LEPR: variants seen among roughly 807,000 people sequenced by gnomAD.
LEPR encodes the protein OB receptor.
LEPR carries 56 observed loss-of-function variants against 114.7 expected under a neutral mutation model. That is an observed-to-expected ratio of 0.49 (90% CI 0.39 to 0.61). LEPR has a LOEUF of 0.61. Among genes scored for constraint, LEPR ranks in the 20% least tolerant of loss-of-function variants. The pLI is 0.00. For synonymous variants in LEPR, 443 were observed against 461.4 expected (o/e 0.96, Z 0.51); for missense variants, 1,202 against 1,352.9 (o/e 0.89, Z 1.75).
chr1:65,542,231 C>A (rs1161944329), intron 2 of LEPR, among the ~76,000 whole-genome samples: 5 of 151,964 alleles, frequency 3.3e-5, no homozygotes, highest in African/African-American at 7.2e-5. Context: ...ATACAGATTT[C>A]TTCAAATATT....
chr1:65,552,670 A>G lies in LEPR; in HGVS notation c.-20-12876A>G, dbSNP rs117264313. ...CTGATGGGTCGTGACTGTTTTTCCAATTTGGCAGTCTGTGTCTTTTAATTG... is the reference window on the plus strand; with the variant it reads ...CTGATGGGTCGTGACTGTTTTTCCAGTTTGGCAGTCTGTGTCTTTTAATTG... On this transcript the variant is annotated intron_variant, in intron 2 of 19. Coordinates refer to ENST00000349533, the MANE Select transcript of LEPR (RefSeq NM_002303.6). Among the ~76,000 whole-genome samples, 314 of 152,202 alleles carry G rather than the reference A, an allele frequency of 2.1e-3. 2 individuals carry two copies. The East Asian group carries it at 0.034, about 17-fold the overall frequency.
chr1:65,432,597 A>AT, intron 2 of LEPR: 7 of 983,426 alleles, frequency 7.1e-6, no homozygotes, highest in Non-Finnish European at 8.5e-6. Flanking sequence ...ACCTGCTTTC[A>AT]TGCTGAGGAC....
intron 5 of LEPR, among the ~76,000 whole-genome samples, chr1:65,592,053 T>C (rs183603080): frequency 6.6e-6 from 1 of 152,128 alleles, no homozygotes; most frequent in East Asian, 1.9e-4. Flanking sequence ...CTAAGTGATA[T>C]CATACCACTT....
At chr1:65,588,306 T>G (rs181355419) in intron 5 of LEPR, among the ~76,000 whole-genome samples, 1 of 152,082 alleles carries the variant, frequency 6.6e-6, no homozygotes, top group Non-Finnish European at 1.5e-5. Context: ...AATTATAATT[T>G]TTTTTTTAAG....
At chr1:65,539,124 AT>A (rs11350038) in intron 2 of LEPR, among the ~76,000 whole-genome samples, 105,980 of 144,390 alleles carry the variant, frequency 0.73, 39,783 homozygotes, top group Middle Eastern at 0.9. Flanking sequence ...AACCATTGAA[AT>A]TTTTTTTTTG....
Position 65,616,035 on chromosome 1 carries a change from A to G in LEPR, c.2023A>G (p.Ser675Gly). ...KPLMKNDSLCSVQRYVINHHT... is the reference protein window; with the variant it reads ...KPLMKNDSLCGVQRYVINHHT... ...CCTGATGAAAAATGACTCATTGTGC[A>G]GTGTTCAGAGATATGTGATAAACCA... is the stretch of plus-strand genomic sequence containing the variant. The change falls in exon 15 of 20, where the codon AGT becomes GGT. Residue 675 changes from serine to glycine, a missense_variant. Physicochemically the swap from Ser to Gly is moderately conservative, Grantham distance 56. Transcript: ENST00000349533. 1.2e-6 allele frequency: 2 copies of G among 1,614,174 alleles called. No homozygotes were observed. The highest frequency in any genetic ancestry group is 1.1e-5 in the South Asian group (1 of 91,086).
rs200520131 is a variant in LEPR, at chr1:65,455,656, C to T, written c.-21+30278C>T. ...CTGTCCGTTCTCAGATCTCCAGCTG[C>T]GTGCTGGGAGAACCACTGCTCTCTT... On this transcript the variant is annotated intron_variant, in intron 2 of 19. Coordinates refer to ENST00000349533, the MANE Select transcript of LEPR (RefSeq NM_002303.6). Among the ~76,000 whole-genome samples, 1,371 of 152,132 alleles carry T rather than the reference C, an allele frequency of 9.0e-3. 41 individuals carry two copies. In the East Asian group the frequency reaches 0.097, roughly 11 times the overall value.
At position 65,570,466 on chromosome 1, in the gene LEPR, C is replaced by T. The variant is rs186866115; in HGVS notation, c.41-7C>T. The T allele has an allele frequency of 6.2e-7, 1 of 1,611,886 alleles. No individual in the cohort carries two copies. Among genetic ancestry groups the T allele is most frequent in the African/African-American group, 1.3e-5 (1 of 74,954 alleles). On this transcript the variant is annotated splice_polypyrimidine_tract_variant and splice_region_variant and intron_variant, in intron 3 of 19. Coordinates refer to ENST00000349533, the MANE Select transcript of LEPR (RefSeq NM_002303.6). ...TTTTTCTATGTGTCTTTTTAATATC[C>T]TAACAGAATTTATTTATGTGATAAC...
At chr1:65,611,936 T>C (rs1003705771) in intron 14 of LEPR, among the ~76,000 whole-genome samples, 2 of 152,210 alleles carry the variant, frequency 1.3e-5, no homozygotes, top group Non-Finnish European at 2.9e-5. Context: ...ATGGGTTCTT[T>C]AGGGGTGATT....
intron 5 of LEPR, among the ~76,000 whole-genome samples, chr1:65,586,781 T>C (rs1655345621): frequency 6.6e-6 from 1 of 152,054 alleles, no homozygotes; most frequent in African/African-American, 2.4e-5. Flanking sequence ...CATGATGGGG[T>C]TAGCTGTTGG....
chr1:65,506,453 T>C (rs1275301882), intron 2 of LEPR, among the ~76,000 whole-genome samples: 1 of 152,106 alleles, frequency 6.6e-6, no homozygotes, highest in Non-Finnish European at 1.5e-5. Flanking sequence ...AGGAAAAGAG[T>C]GCATCTGAAA....
At position 65,608,772 on chromosome 1, in the gene LEPR, C is replaced by A. The variant is rs1347121560; in HGVS notation, c.1623C>A (p.Ser541=). ...PDSVVKPLPP[S]SVKAEITINI... ...TTCTAGTGAAGCCACTGCCTCCATC[C>A]AGTGTGAAAGCAGAAATTACTATAA... is the stretch of plus-strand genomic sequence containing the variant. Residue 541 remains serine (S), a synonymous_variant, in exon 12 of 20, where the codon TCC becomes TCA. Transcript: ENST00000349533. 5.0e-6 allele frequency: 8 copies of A among 1,613,378 alleles called. No individual in the cohort carries two copies. Among genetic ancestry groups the A allele is most frequent in the Non-Finnish European group, 8.5e-7 (1 of 1,179,748 alleles).
At chr1:65,466,146 T>C (rs544160821) in intron 2 of LEPR, among the ~76,000 whole-genome samples, 1 of 152,350 alleles carries the variant, frequency 6.6e-6, no homozygotes, top group South Asian at 2.1e-4. Flanking sequence ...TTTGGCATGT[T>C]TTCATAGTGG....
At chr1:65,524,818 A>C (rs1649819135) in intron 2 of LEPR, among the ~76,000 whole-genome samples, 2 of 151,906 alleles carry the variant, frequency 1.3e-5, no homozygotes, top group South Asian at 4.2e-4. Context: ...CCCACCCCTA[A>C]CTCTAAATTC....
intron 2 of LEPR, chr1:65,431,982 A>G: frequency 1.3e-6 from 2 of 1,523,326 alleles, no homozygotes; most frequent in Non-Finnish European, 8.8e-7. Context: ...ATACATGTGC[A>G]CATGCGGCAT....
At chr1:65,571,988 A>AAAAAT (rs1654214381) in intron 4 of LEPR, among the ~76,000 whole-genome samples, 1 of 149,580 alleles carries the variant, frequency 6.7e-6, no homozygotes, top group Non-Finnish European at 1.5e-5. Flanking sequence ...AAAAAAAAAA[A>AAAAAT]AGGAAAGAAA....
At chr1:65,485,461 C>G (rs1647438452) in intron 2 of LEPR, among the ~76,000 whole-genome samples, 1 of 152,142 alleles carries the variant, frequency 6.6e-6, no homozygotes, top group African/African-American at 2.4e-5. Flanking sequence ...TGGTGGGCCC[C>G]AAAGTCTGCA....
chr1:65,440,633 G>A (rs1165732539), intron 2 of LEPR, among the ~76,000 whole-genome samples: 1 of 152,146 alleles, frequency 6.6e-6, no homozygotes, highest in Admixed American at 6.5e-5. Context: ...CAAGTGCAGC[G>A]GCCCTGAGCT....
At chr1:65,439,187 T>A (rs1261275079) in intron 2 of LEPR, among the ~76,000 whole-genome samples, 1 of 152,166 alleles carries the variant, frequency 6.6e-6, no homozygotes, top group Admixed American at 6.5e-5. Context: ...TGTTGAGACA[T>A]CAATTTTCCG....
Sources: gnomAD v4.1 joint callset for allele counts (sites outside exome capture counted in the v4.1 genomes callset) on GRCh38, gnomAD v4.1.1 for gene constraint, MANE v1.5 for transcripts, NCBI Gene and HGNC (gene_info 2026-07-23, HGNC 2026-07-21) for gene names.